Variants in NRG1 observed in about 807,000 individuals in gnomAD.
NRG1 encodes the protein neuregulin 1, also known as pro-neuregulin-1, membrane-bound isoform.
A neutral mutation model predicts 63.8 loss-of-function variants in NRG1; 18 were observed. The ratio of observed to expected loss-of-function variants is 0.28; its 90% CI spans 0.19 to 0.42. NRG1 has a LOEUF of 0.42. Among genes scored for constraint, NRG1 ranks in the 10% least tolerant of loss-of-function variants. The probability of loss-of-function intolerance (pLI) is 1.00; values close to 1 mark genes in which losing one functional copy is unlikely to be tolerated. For missense variants in NRG1, 762 were observed against 814.7 expected (o/e 0.94, Z 0.79); for synonymous variants, 302 against 301.3 (o/e 1.00, Z -0.02).
chr8:32,266,618 A>C (rs1850965491), intron 1 of NRG1, among the ~76,000 whole-genome samples: 1 of 152,192 alleles, frequency 6.6e-6, no homozygotes, highest in Non-Finnish European at 1.5e-5. Context: ...AGGTACAAAA[A>C]ATAATAGTGT....
At chr8:32,473,353 C>T (rs1310015890) in intron 1 of NRG1, among the ~76,000 whole-genome samples, 2 of 152,238 alleles carry the variant, frequency 1.3e-5, no homozygotes, top group East Asian at 1.9e-4. Flanking sequence ...GAAATCTTTT[C>T]GAGGCTCTTC....
chr8:32,336,868 C>T (rs768301234), intron 1 of NRG1, among the ~76,000 whole-genome samples: 7 of 152,114 alleles, frequency 4.6e-5, no homozygotes, highest in Non-Finnish European at 8.8e-5. Flanking sequence ...CCTCAGCCTC[C>T]CAAAGTGCTG....
At chr8:32,640,093 G>A (rs1852049152) in intron 5 of NRG1, among the ~76,000 whole-genome samples, 1 of 152,194 alleles carries the variant, frequency 6.6e-6, no homozygotes, top group Non-Finnish European at 1.5e-5. Context: ...AACTGTAATA[G>A]TGAATATTAA....
intron 1 of NRG1, among the ~76,000 whole-genome samples, chr8:31,688,568 G>A (rs1809149381): frequency 6.6e-6 from 1 of 152,186 alleles, no homozygotes; most frequent in Non-Finnish European, 1.5e-5. Context: ...GTGTACTGAT[G>A]AGAAAATATG....
intron 1 of NRG1, among the ~76,000 whole-genome samples, chr8:32,364,159 A>G (rs1290422173): frequency 7.0e-6 from 1 of 143,228 alleles, no homozygotes; most frequent in Non-Finnish European, 1.5e-5. Flanking sequence ...ATATGTGTGC[A>G]TATAGATATC....
intron 1 of NRG1, among the ~76,000 whole-genome samples, chr8:32,398,704 T>C (rs1384965496): frequency 6.6e-6 from 1 of 152,128 alleles, no homozygotes; most frequent in Non-Finnish European, 1.5e-5. Context: ...TGTGAGACAC[T>C]GCACCCAGCC....
chr8:31,794,105 T>G (rs1563409471), intron 1 of NRG1, among the ~76,000 whole-genome samples: 1 of 152,198 alleles, frequency 6.6e-6, no homozygotes, highest in Non-Finnish European at 1.5e-5. Flanking sequence ...AATAGAATCT[T>G]CAGTGATTTC....
At chr8:31,758,051 GATTT>G (rs142445409) in intron 1 of NRG1, among the ~76,000 whole-genome samples, 9 of 151,794 alleles carry the variant, frequency 5.9e-5, no homozygotes, top group Non-Finnish European at 7.4e-5. Context: ...GTTGTGCCTG[GATTT>G]ATTTATTTAT....
At chr8:32,771,389 G>T (rs1163346978), downstream of NRG1, among the ~76,000 whole-genome samples, 1 of 146,436 alleles carries the variant, frequency 6.8e-6, no homozygotes, top group African/African-American at 2.5e-5. Context: ...GCCTCCCAAA[G>T]TGCTGGAATT....
intron 1 of NRG1, among the ~76,000 whole-genome samples, chr8:32,103,910 A>T (rs1830904200): frequency 2.0e-5 from 3 of 152,150 alleles, no homozygotes; most frequent in Non-Finnish European, 1.5e-5. Flanking sequence ...TCTGTTGATT[A>T]TACCAGGCTT....
intron 1 of NRG1, among the ~76,000 whole-genome samples, chr8:31,941,453 G>A (rs327351): frequency 0.049 from 7,416 of 152,062 alleles, 595 homozygotes; most frequent in African/African-American, 0.17. Context: ...ACTGAAGAGG[G>A]AAAAGTGGAA....
intron 1 of NRG1, among the ~76,000 whole-genome samples, chr8:32,581,325 G>A (rs1364836242): frequency 6.6e-6 from 1 of 152,194 alleles, no homozygotes; most frequent in Non-Finnish European, 1.5e-5. Context: ...GTTTGGCTAG[G>A]AACAGACCAT....
At chr8:31,962,545 T>C (rs867216551) in intron 1 of NRG1, among the ~76,000 whole-genome samples, 1 of 152,162 alleles carries the variant, frequency 6.6e-6, no homozygotes, top group Non-Finnish European at 1.5e-5. Context: ...AGAATTGAAG[T>C]ATGGAATAAA....
At chr8:32,326,019 T>C (rs1801961709) in intron 1 of NRG1, among the ~76,000 whole-genome samples, 1 of 151,868 alleles carries the variant, frequency 6.6e-6, no homozygotes. Context: ...TCACTTTTTT[T>C]TTTTTTTTTG....
chr8:32,312,157 G>GTTTTTTTTTTT (rs35888973), intron 1 of NRG1, among the ~76,000 whole-genome samples: 4 of 74,398 alleles, frequency 5.4e-5, no homozygotes, highest in Admixed American at 2.0e-4. Flanking sequence ...GACCTTGTTT[G>GTTTTTTTTTTT]TTTTTTTTTT....
chr8:31,918,232 C>G (rs1029204420), intron 1 of NRG1, among the ~76,000 whole-genome samples: 6 of 152,164 alleles, frequency 3.9e-5, no homozygotes, highest in African/African-American at 1.4e-4. Context: ...GAACTTCCAA[C>G]AGTATGTTGA....
intron 1 of NRG1, among the ~76,000 whole-genome samples, chr8:32,262,909 C>T (rs1850539390): frequency 6.6e-6 from 1 of 152,142 alleles, no homozygotes; most frequent in African/African-American, 2.4e-5. Flanking sequence ...GGGCCCTGGC[C>T]ACTCATACCA....
intron 6 of NRG1, chr8:32,728,532 T>G: frequency 1.0e-6 from 1 of 985,406 alleles, no homozygotes; most frequent in Non-Finnish European, 1.2e-6. Flanking sequence ...AGAAGATTAT[T>G]TACTGACATA....
chr8:31,823,662 A>G (rs893967538), intron 1 of NRG1, among the ~76,000 whole-genome samples: 5 of 152,216 alleles, frequency 3.3e-5, no homozygotes, highest in African/African-American at 1.2e-4. Flanking sequence ...AACTGAGCAA[A>G]TGAAACTGTC....
Sources: gnomAD v4.1 joint callset for allele counts (sites outside exome capture counted in the v4.1 genomes callset) on GRCh38, gnomAD v4.1.1 for gene constraint, MANE v1.5 for transcripts, NCBI Gene and HGNC (gene_info 2026-07-23, HGNC 2026-07-21) for gene names.